Variants in LUC7L3 observed in about 807,000 individuals in gnomAD.
LUC7L3 encodes the protein luc7-like protein 3.
LUC7L3 carries 6 observed loss-of-function variants against 66.8 expected under a neutral mutation model. The ratio of observed to expected loss-of-function variants is 0.09; its 90% CI spans 0.05 to 0.18. The LOEUF (loss-of-function observed/expected upper bound fraction) is 0.18, where lower values mean the gene tolerates loss of function less well. Ranked by LOEUF, LUC7L3 falls within the 10% of genes least tolerant of loss-of-function variation. The pLI is 1.00. For synonymous variants in LUC7L3, 160 were observed against 174.7 expected, an observed-to-expected ratio of 0.92 and a Z score of 0.66; for missense variants, 341 against 531.1, an observed-to-expected ratio of 0.64 and a Z score of 3.52.
At chr17:50,720,343 A>G (rs1968663162) in intron 1 of LUC7L3, among the ~76,000 whole-genome samples, 2 of 152,250 alleles carry the variant, frequency 1.3e-5, no homozygotes, top group Non-Finnish European at 2.9e-5. Context: ...GTGATGATTT[A>G]CAAGTATTGT....
chr17:50,747,419 A>AT (rs1303652845), intron 9 of LUC7L3, among the ~76,000 whole-genome samples: 1 of 151,080 alleles, frequency 6.6e-6, no homozygotes, highest in Non-Finnish European at 1.5e-5. Flanking sequence ...TCTATTTTGT[A>AT]TTTTTTATAT....
At chr17:50,721,145 A>T (rs1968723702) in intron 1 of LUC7L3, among the ~76,000 whole-genome samples, 2 of 151,976 alleles carry the variant, frequency 1.3e-5, no homozygotes, top group African/African-American at 4.8e-5. Context: ...TAAACTTTGC[A>T]AATGTGTTAG....
At chr17:50,736,301 G>C (rs533330867) in intron 1 of LUC7L3, among the ~76,000 whole-genome samples, 22 of 152,378 alleles carry the variant, frequency 1.4e-4, no homozygotes, top group African/African-American at 5.0e-4. Context: ...AAAAGTACCA[G>C]TGGGAGAGAA....
intron 3 of LUC7L3, among the ~76,000 whole-genome samples, chr17:50,740,752 G>C (rs1187822846): frequency 6.6e-6 from 1 of 152,172 alleles, no homozygotes; most frequent in African/African-American, 2.4e-5. Flanking sequence ...TAGAGACAGG[G>C]TTTCACCATG....
At chr17:50,740,677 A>G (rs185588383) in intron 3 of LUC7L3, among the ~76,000 whole-genome samples, 5 of 152,172 alleles carry the variant, frequency 3.3e-5, no homozygotes, top group African/African-American at 9.6e-5. Context: ...TCCTGCCTCA[A>G]ACTCCCGAGT....
chr17:50,730,425 C>T lies in LUC7L3; in HGVS notation c.100-6535C>T, dbSNP rs555409242. On this transcript the variant is annotated intron_variant, in intron 1 of 9. Coordinates refer to ENST00000505658, the MANE Select transcript of LUC7L3 (RefSeq NM_016424.5). ...AATCCCAGCTTGGGAGGCTGAGGCACGAGAATTGCTTGAGCCTGGGAGGTA... is the reference window on the plus strand; with the variant it reads ...AATCCCAGCTTGGGAGGCTGAGGCATGAGAATTGCTTGAGCCTGGGAGGTA... Among the ~76,000 whole-genome samples the T allele has an allele frequency of 3.6e-5, 5 of 139,084 alleles. No individual in the cohort carries two copies. In the East Asian group the frequency reaches 8.7e-4, roughly 24 times the overall value. 91.2% of individuals were successfully genotyped at this position (139,084 alleles called of 152,430 possible).
intron 7 of LUC7L3, among the ~76,000 whole-genome samples, chr17:50,745,161 T>C (rs762204134): frequency 2.6e-5 from 4 of 152,120 alleles, no homozygotes; most frequent in Non-Finnish European, 5.9e-5. Flanking sequence ...GGCTGATTTT[T>C]GTATTTTTTT....
At chr17:50,727,481 T>G (rs963758148) in intron 1 of LUC7L3, among the ~76,000 whole-genome samples, 1 of 152,154 alleles carries the variant, frequency 6.6e-6, no homozygotes, top group Non-Finnish European at 1.5e-5. Flanking sequence ...ATGTTTTTTT[T>G]GGGACCAAAG....
At chr17:50,730,527 A>AAAAAAAAAAAAAAAAAAAAAAAAAAAAAC (rs1969526157) in intron 1 of LUC7L3, among the ~76,000 whole-genome samples, 1 of 151,108 alleles carries the variant, frequency 6.6e-6, no homozygotes, top group African/African-American at 2.4e-5. Context: ...AAAAAAAAAA[A>AAAAAAAAAAAAAAAAAAAAAAAAAAAAAC]AAAAAAAAAA....
chr17:50,736,217 A>G (rs1489783724), intron 1 of LUC7L3, among the ~76,000 whole-genome samples: 2 of 152,244 alleles, frequency 1.3e-5, no homozygotes, highest in Non-Finnish European at 2.9e-5. Flanking sequence ...ATTTTGATTT[A>G]CATGGTTTGA....
intron 1 of LUC7L3, among the ~76,000 whole-genome samples, chr17:50,732,059 T>C (rs1476400602): frequency 6.6e-6 from 1 of 152,186 alleles, no homozygotes; most frequent in Non-Finnish European, 1.5e-5. Context: ...CCAGGGCTTA[T>C]ATGCCATAGG....
chr17:50,737,539 C>T (rs896705314), intron 2 of LUC7L3: 1 of 252,594 alleles, frequency 4.0e-6, no homozygotes, highest in East Asian at 1.1e-4. Context: ...AGTCTGTAGT[C>T]TAGTTCAGGG....
intron 1 of LUC7L3, chr17:50,723,662 T>C (rs55972933): frequency 0.054 from 6,819 of 125,358 alleles, 160 homozygotes; most frequent in African/African-American, 0.069. Context: ...CCCCCCCCCC[T>C]TTTTTTTTTT....
intron 2 of LUC7L3, among the ~76,000 whole-genome samples, chr17:50,738,752 A>G (rs1970155037): frequency 6.6e-6 from 1 of 152,228 alleles, no homozygotes; most frequent in Non-Finnish European, 1.5e-5. Context: ...TGGACAGAAT[A>G]AAAGCAGAGG....
At chr17:50,742,894 A>G (rs1970436220) in intron 5 of LUC7L3, among the ~76,000 whole-genome samples, 1 of 152,232 alleles carries the variant, frequency 6.6e-6, no homozygotes, top group African/African-American at 2.4e-5. Context: ...GCCTGTCAGT[A>G]ATAAAAGGGA....
rs1597943580 is a variant in LUC7L3 at position 50,748,622 on chromosome 17, C to A, written c.1139-1879C>A. On this transcript the variant is annotated intron_variant, in intron 9 of 9. Coordinates refer to ENST00000505658, the MANE Select transcript of LUC7L3 (RefSeq NM_016424.5). ...TATAGGTGTAAGCCACCATGCCTGG[C>A]CCCTAGTAAAACTTTTCGTTAAGCG... Among the ~76,000 whole-genome samples the A allele has an allele frequency of 5.3e-5, 8 of 152,072 alleles. No individual in the cohort carries two copies. In the East Asian group the frequency reaches 1.5e-3, roughly 29 times the overall value.
rs1300445626 is a variant in LUC7L3 at position 50,754,913 on chromosome 17, T to C, written c.*4252T>C. On this transcript the variant is annotated 3_prime_UTR_variant, in exon 10 of 10. Transcript: ENST00000505658. The stretch of plus-strand genomic sequence containing the variant: ...TTAAAGTTTTCAGACTTGTAAGAAC[T>C]GAAAATTTTTATGGTGGAAGTTCTC... 6.6e-6 allele frequency: 1 copy of C among 152,202 alleles called. No homozygotes were observed. Among genetic ancestry groups the C allele is most frequent in the Non-Finnish European group, 1.5e-5 (1 of 68,034 alleles). The allele number at this position is 152,202 out of a possible 1,614,324, so 9.4% of individuals were successfully genotyped here.
chr17:50,749,102 A>G, intron 9 of LUC7L3: 1 of 581,160 alleles, frequency 1.7e-6, no homozygotes, highest in Non-Finnish European at 2.5e-6. Context: ...AGCTGTCAGC[A>G]ACCAGTGTAA....
At chr17:50,733,902 C>G (rs1028935174) in intron 1 of LUC7L3, among the ~76,000 whole-genome samples, 3 of 152,002 alleles carry the variant, frequency 2.0e-5, no homozygotes, top group Admixed American at 2.0e-4. Context: ...TAATTGTTGC[C>G]ACATCCTCCC....
Sources: allele counts gnomAD v4.1 joint callset (sites outside exome capture counted in the v4.1 genomes callset), GRCh38; gene constraint gnomAD v4.1.1; transcripts MANE v1.5; gene names NCBI Gene and HGNC (gene_info 2026-07-23, HGNC 2026-07-21).